The following BABAM2 variants were observed in gnomAD, a reference collection of about 807,000 sequenced individuals.
BABAM2 encodes the protein BRISC and BRCA1-A complex member 2.
A neutral mutation model predicts 54.7 loss-of-function variants in BABAM2; 31 were observed. The ratio of observed to expected loss-of-function variants is 0.57; its 90% confidence interval spans 0.43 to 0.77. The LOEUF (loss-of-function observed/expected upper bound fraction) is 0.77. Ranked by LOEUF, BABAM2 falls within the 30% of genes least tolerant of loss-of-function variation. The probability of loss-of-function intolerance (pLI) is 0.00; values close to 1 mark genes in which losing one functional copy is unlikely to be tolerated. For missense variants in BABAM2, 364 were observed against 455.8 expected (o/e 0.80, Z 1.83); for synonymous variants, 167 against 162.9 (o/e 1.03, Z -0.19).
intron 10 of BABAM2, among the ~76,000 whole-genome samples, chr2:28,270,027 G>A (rs1032135275): frequency 4.6e-5 from 7 of 152,100 alleles, no homozygotes; most frequent in Admixed American, 2.0e-4. Context: ...ACAGGGTTAA[G>A]CCTATTATTA....
intron 7 of BABAM2, among the ~76,000 whole-genome samples, chr2:28,199,771 C>T (rs781278058): frequency 2.6e-5 from 4 of 152,034 alleles, no homozygotes; most frequent in Admixed American, 6.6e-5. Context: ...GTTTGAAGGA[C>T]CTGCAGACTG....
chr2:28,290,907 T>A (rs80167595), intron 10 of BABAM2, among the ~76,000 whole-genome samples: 5,386 of 152,260 alleles, frequency 0.035, 140 homozygotes, highest in East Asian at 0.06. Context: ...ATAGTTAAAA[T>A]TTAAGAACCT....
chr2:27,993,909 G>C (rs1053707628), intron 4 of BABAM2, among the ~76,000 whole-genome samples: 2 of 152,116 alleles, frequency 1.3e-5, no homozygotes, highest in Non-Finnish European at 2.9e-5. Flanking sequence ...CCCATCCCCA[G>C]TATACACAAA....
chr2:28,175,332 C>G (rs779920722), intron 7 of BABAM2, among the ~76,000 whole-genome samples: 4 of 152,158 alleles, frequency 2.6e-5, no homozygotes, highest in African/African-American at 7.2e-5. Context: ...GAGCACTCCA[C>G]CTGGGGGCCT....
rs1467461624 is a variant in BABAM2 at position 28,090,398 on chromosome 2, C to T, written c.571-38873C>T. Among the ~76,000 whole-genome samples, 4 of 152,118 alleles carry T rather than the reference C, an allele frequency of 2.6e-5. No individual in the cohort carries two copies. In the East Asian group the frequency reaches 7.7e-4, roughly 29 times the overall value. On this transcript the variant is annotated intron_variant, in intron 6 of 11. Transcript: ENST00000379624. ...TAGCTGGGAGTACAGGTGTGCGCCA[C>T]CACACCCGGCTAAGTTTTGTATTTT...
intron 2 of BABAM2, among the ~76,000 whole-genome samples, chr2:27,904,436 A>T (rs1666050897): frequency 6.6e-6 from 1 of 152,202 alleles, no homozygotes; most frequent in Non-Finnish European, 1.5e-5. Context: ...ACCTCCAGAT[A>T]ATCAATCTGG....
At chr2:28,213,298 G>A (rs1263722508) in intron 7 of BABAM2, among the ~76,000 whole-genome samples, 1 of 151,988 alleles carries the variant, frequency 6.6e-6, no homozygotes, top group African/African-American at 2.4e-5. Flanking sequence ...GTAAGAAACT[G>A]AACACTAAAG....
chr2:28,121,581 A>G (rs1669072664), intron 6 of BABAM2, among the ~76,000 whole-genome samples: 1 of 152,066 alleles, frequency 6.6e-6, no homozygotes, highest in Non-Finnish European at 1.5e-5. Context: ...TTTATCTTCA[A>G]TCTCTGTGAA....
chr2:28,267,690 G>C (rs1176363358), intron 10 of BABAM2, among the ~76,000 whole-genome samples: 1 of 152,160 alleles, frequency 6.6e-6, no homozygotes, highest in African/African-American at 2.4e-5. Context: ...ATCCTCCACT[G>C]CACCCTCTTC....
intron 7 of BABAM2, among the ~76,000 whole-genome samples, chr2:28,198,003 T>C (rs1438190103): frequency 2.6e-5 from 4 of 152,150 alleles, no homozygotes; most frequent in African/African-American, 7.2e-5. Flanking sequence ...TAAGTCCATA[T>C]GAAATTGAGA....
Position 28,239,442 on chromosome 2 carries a change from C to T in BABAM2, c.781-1881C>T, listed in dbSNP as rs1364043367. Among the ~76,000 whole-genome samples the T allele has an allele frequency of 3.3e-5, 5 of 152,124 alleles. No individual in the cohort carries two copies. In the East Asian group the frequency reaches 5.8e-4, roughly 18 times the overall value. On this transcript the variant is annotated intron_variant, in intron 8 of 11. Coordinates refer to ENST00000379624, the MANE Select transcript of BABAM2 (RefSeq NM_199191.3). ...GAGAACATTATAAGGAATGTGTTTTCGTGTTAGAAGCTGGTGGGTAAATGA... is the reference window on the plus strand; with the variant it reads ...GAGAACATTATAAGGAATGTGTTTTTGTGTTAGAAGCTGGTGGGTAAATGA...
chr2:28,177,766 C>T (rs955026351), intron 7 of BABAM2, among the ~76,000 whole-genome samples: 4 of 149,830 alleles, frequency 2.7e-5, no homozygotes, highest in Non-Finnish European at 5.9e-5. Flanking sequence ...ACTGGTAAGA[C>T]ATATATAGAC....
intron 7 of BABAM2, among the ~76,000 whole-genome samples, chr2:28,198,249 C>T (rs917726815): frequency 2.2e-4 from 34 of 151,814 alleles, no homozygotes; most frequent in East Asian, 1.7e-3. Flanking sequence ...CTGCAAGCTC[C>T]GCCTCCCGGG....
At chr2:28,301,575 C>A (rs1324214746) in intron 11 of BABAM2, among the ~76,000 whole-genome samples, 1 of 152,188 alleles carries the variant, frequency 6.6e-6, no homozygotes, top group Non-Finnish European at 1.5e-5. Context: ...CTTGGAAGAC[C>A]ATGGGTTTTA....
chr2:28,268,487 T>G (rs986046773), intron 10 of BABAM2, among the ~76,000 whole-genome samples: 2 of 152,198 alleles, frequency 1.3e-5, no homozygotes, highest in African/African-American at 2.4e-5. Context: ...GTTTCAGACC[T>G]TAAGTGTGTA....
At chr2:28,043,075 GAAGGGAAA>G (rs1167038172) in intron 5 of BABAM2, among the ~76,000 whole-genome samples, 1 of 151,044 alleles carries the variant, frequency 6.6e-6, no homozygotes, top group African/African-American at 2.4e-5. Flanking sequence ...ATTGAGTAAA[GAAGGGAAA>G]AATTAATTAT....
chr2:28,230,285 A>G (rs1681254063), intron 7 of BABAM2, among the ~76,000 whole-genome samples: 1 of 152,082 alleles, frequency 6.6e-6, no homozygotes, highest in African/African-American at 2.4e-5. Flanking sequence ...AATTTTCTCC[A>G]TATTGAATTA....
chr2:28,166,923 G>A (rs754328065), intron 7 of BABAM2, among the ~76,000 whole-genome samples: 1 of 152,156 alleles, frequency 6.6e-6, no homozygotes, highest in Non-Finnish European at 1.5e-5. Flanking sequence ...GACACCCAGG[G>A]GGAGATATCC....
intron 11 of BABAM2, among the ~76,000 whole-genome samples, chr2:28,331,643 C>T (rs761770655): frequency 7.2e-5 from 11 of 151,976 alleles, no homozygotes; most frequent in Non-Finnish European, 1.0e-4. Context: ...ATCAGAATGG[C>T]GATTATTAAA....
Sources: allele counts gnomAD v4.1 joint callset (sites outside exome capture counted in the v4.1 genomes callset), GRCh38; gene constraint gnomAD v4.1.1; transcripts MANE v1.5; gene names NCBI Gene and HGNC (gene_info 2026-07-23, HGNC 2026-07-21).